Variants in CRACD observed in about 807,000 individuals in gnomAD.
CRACD encodes capping protein-inhibiting regulator of actin dynamics.
A neutral mutation model predicts 106.8 loss-of-function variants in CRACD; 56 were observed. The observed-to-expected ratio is 0.52, with a 90% CI of 0.42 to 0.66. The LOEUF (loss-of-function observed/expected upper bound fraction) is 0.66. Among genes scored for constraint, CRACD ranks in the 30% least tolerant of loss-of-function variants. CRACD has a pLI of 0.00. For missense variants in CRACD, 1,730 were observed against 1,623.2 expected (o/e 1.07, Z -1.13); for synonymous variants, 754 against 670.8 (o/e 1.12, Z -1.92).
At chr4:56,160,413 A>T (rs1735912025) in intron 1 of CRACD, among the ~76,000 whole-genome samples, 1 of 151,922 alleles carries the variant, frequency 6.6e-6, no homozygotes. Flanking sequence ...CAAACTCCTG[A>T]GCTCAAACAG....
chr4:56,228,445 C>T (rs76722486), intron 2 of CRACD, among the ~76,000 whole-genome samples: 2,672 of 152,036 alleles, frequency 0.018, 75 homozygotes, highest in African/African-American at 0.06. Flanking sequence ...GACACATGTG[C>T]TGAGCCTTGA....
chr4:56,302,459 G>A (rs1744422993), intron 4 of CRACD, among the ~76,000 whole-genome samples: 1 of 152,130 alleles, frequency 6.6e-6, no homozygotes, highest in South Asian at 2.1e-4. Flanking sequence ...GGATTATCTG[G>A]TGTAGGAGGG....
chr4:56,092,682 G>T (rs144330099), intron 1 of CRACD, among the ~76,000 whole-genome samples: 1 of 151,908 alleles, frequency 6.6e-6, no homozygotes, highest in African/African-American at 2.4e-5. Context: ...CATCGTTGTA[G>T]CCTTAAACTC....
chr4:56,200,224 A>G (rs1389831795), intron 2 of CRACD, among the ~76,000 whole-genome samples: 1 of 151,930 alleles, frequency 6.6e-6, no homozygotes, highest in African/African-American at 2.4e-5. Context: ...TATGCTGTTG[A>G]TAAATGGAAT....
intron 2 of CRACD, among the ~76,000 whole-genome samples, chr4:56,205,623 A>G (rs1738087945): frequency 6.6e-6 from 1 of 151,936 alleles, no homozygotes; most frequent in Non-Finnish European, 1.5e-5. Flanking sequence ...AGAAAAAAGT[A>G]CTTGTTTATT....
chr4:56,193,770 G>A (rs373456461), intron 2 of CRACD, among the ~76,000 whole-genome samples: 3 of 151,978 alleles, frequency 2.0e-5, no homozygotes, highest in African/African-American at 7.2e-5. Context: ...AATGCTTATA[G>A]GCTATTATGT....
intron 3 of CRACD, among the ~76,000 whole-genome samples, chr4:56,290,344 G>A (rs1049902243): frequency 3.9e-5 from 6 of 152,290 alleles, no homozygotes; most frequent in East Asian, 1.9e-4. Context: ...CACAGAGCCC[G>A]GGGGATGAGA....
At chr4:56,258,575 G>C (rs977880623) in intron 2 of CRACD, among the ~76,000 whole-genome samples, 1 of 152,192 alleles carries the variant, frequency 6.6e-6, no homozygotes, top group African/African-American at 2.4e-5. Context: ...ACTCAGGCCT[G>C]TTTAAAGTTG....
At chr4:56,164,418 G>A (rs940279366) in intron 1 of CRACD, among the ~76,000 whole-genome samples, 3 of 152,186 alleles carry the variant, frequency 2.0e-5, no homozygotes, top group Non-Finnish European at 2.9e-5. Flanking sequence ...ACAGGCGTGA[G>A]CCACCGCACC....
chr4:56,069,326 A>G (rs1334724195), intron 1 of CRACD, among the ~76,000 whole-genome samples: 1 of 152,202 alleles, frequency 6.6e-6, no homozygotes, highest in East Asian at 1.9e-4. Flanking sequence ...GATTTCATGG[A>G]AAAGATTGCT....
At chr4:56,226,823 C>G (rs1739324855) in intron 2 of CRACD, among the ~76,000 whole-genome samples, 1 of 151,802 alleles carries the variant, frequency 6.6e-6, no homozygotes, top group Non-Finnish European at 1.5e-5. Flanking sequence ...TTCTTTCCCT[C>G]TCCTTCACAC....
chr4:56,171,263 A>AT (rs1225250780), intron 1 of CRACD, among the ~76,000 whole-genome samples: 1 of 151,768 alleles, frequency 6.6e-6, no homozygotes, highest in Non-Finnish European at 1.5e-5. Flanking sequence ...TTAAAGTATA[A>AT]TAAAAAAAAA....
chr4:56,245,348 C>G lies in CRACD; in HGVS notation c.-188-26973C>G, dbSNP rs554722410. 4.3e-4 allele frequency among the ~76,000 whole-genome samples: 65 copies of G among 152,294 alleles called. 4 individuals carry two copies. The highest frequency in any genetic ancestry group is 3.7e-3 in the Admixed American group (56 of 15,294). ...CAATTTTATCACTTCTTTAGAATGT[C>G]TAATCTCAGAATCCCTGAAAATCTC... On this transcript the variant is annotated intron_variant, in intron 2 of 10. Transcript: ENST00000682029.
chr4:56,092,744 G>A (rs1733463788), intron 1 of CRACD, among the ~76,000 whole-genome samples: 3 of 152,046 alleles, frequency 2.0e-5, no homozygotes, highest in Admixed American at 1.3e-4. Flanking sequence ...TGAGACTACA[G>A]AATGGCACTA....
chr4:56,084,472 C>T (rs1353472530), intron 1 of CRACD, among the ~76,000 whole-genome samples: 3 of 152,010 alleles, frequency 2.0e-5, no homozygotes, highest in African/African-American at 7.2e-5. Context: ...TTTAATATAA[C>T]ATTCTAAAAT....
chr4:56,051,141 T>C (rs1210190442), intron 1 of CRACD, among the ~76,000 whole-genome samples: 2 of 152,246 alleles, frequency 1.3e-5, no homozygotes, highest in Non-Finnish European at 2.9e-5. Flanking sequence ...TAGTCTTTTT[T>C]TGTGGTCTGT....
chr4:56,091,494 C>G (rs1337418967), intron 1 of CRACD, among the ~76,000 whole-genome samples: 1 of 152,002 alleles, frequency 6.6e-6, no homozygotes, highest in Non-Finnish European at 1.5e-5. Flanking sequence ...CCAGGATAGC[C>G]CATAAATGAT....
At chr4:56,071,854 G>A (rs558479300) in intron 1 of CRACD, among the ~76,000 whole-genome samples, 71 of 151,920 alleles carry the variant, frequency 4.7e-4, no homozygotes, top group African/African-American at 1.7e-3. Flanking sequence ...GGGGCCGGGC[G>A]CGGTGGCTCA....
At chr4:56,290,078 C>T (rs1008752953) in intron 3 of CRACD, among the ~76,000 whole-genome samples, 2 of 152,192 alleles carry the variant, frequency 1.3e-5, no homozygotes, top group Non-Finnish European at 2.9e-5. Context: ...CCAGTTTACT[C>T]GTAGAGACTC....
Sources: gnomAD v4.1 joint callset for allele counts (sites outside exome capture counted in the v4.1 genomes callset) on GRCh38, gnomAD v4.1.1 for gene constraint, MANE v1.5 for transcripts, NCBI Gene and HGNC (gene_info 2026-07-23, HGNC 2026-07-21) for gene names.